DLG2: variants seen among roughly 807,000 people sequenced by gnomAD.
DLG2 encodes the protein disks large homolog 2.
In DLG2, 45 loss-of-function variants were observed where a neutral mutation model predicts 132.5. The observed-to-expected ratio is 0.34, with a 90% CI of 0.27 to 0.44. DLG2 has a LOEUF of 0.44. DLG2 is among the 20% of genes least tolerant of loss of function. The pLI is 1.00. For synonymous variants in DLG2, 424 were observed against 419.6 expected (o/e 1.01, Z -0.13); for missense variants, 1,045 against 1,196.9 (o/e 0.87, Z 1.87).
At chr11:83,680,154 G>A (rs1256078534) in intron 18 of DLG2, among the ~76,000 whole-genome samples, 1 of 151,956 alleles carries the variant, frequency 6.6e-6, no homozygotes, top group African/African-American at 2.4e-5. Context: ...ATCACGGGTG[G>A]GTGGAGAAAA....
intron 3 of DLG2, among the ~76,000 whole-genome samples, chr11:85,323,151 C>A (rs927844444): frequency 1.3e-5 from 2 of 152,146 alleles, no homozygotes; most frequent in African/African-American, 2.4e-5. Context: ...CTGGAGGAAA[C>A]CTTTCTCTCT....
intron 9 of DLG2, among the ~76,000 whole-genome samples, chr11:84,147,159 A>T (rs1033080897): frequency 3.9e-5 from 6 of 152,082 alleles, no homozygotes; most frequent in African/African-American, 1.4e-4. Context: ...AAGATTTTCC[A>T]TGCTCCAGCC....
intron 11 of DLG2, among the ~76,000 whole-genome samples, chr11:84,055,083 T>A (rs2096473902): frequency 6.6e-6 from 1 of 152,062 alleles, no homozygotes. Flanking sequence ...GGCAGGGTTT[T>A]TAGACAGACC....
At chr11:84,913,080 A>AGGATT (rs2154078546) in intron 6 of DLG2, among the ~76,000 whole-genome samples, 1 of 152,338 alleles carries the variant, frequency 6.6e-6, no homozygotes, top group Non-Finnish European at 1.5e-5. Context: ...TAGATTCTAC[A>AGGATT]GGATTTGTGG....
chr11:85,627,843 A>T (rs1210746576), upstream of DLG2: 1 of 152,594 alleles, frequency 6.6e-6, no homozygotes, highest in East Asian at 1.9e-4. Context: ...TAGAAATTAT[A>T]TAACTCTCGA....
chr11:84,015,540 C>G (rs535590093), intron 11 of DLG2, among the ~76,000 whole-genome samples: 1 of 152,018 alleles, frequency 6.6e-6, no homozygotes, highest in South Asian at 2.1e-4. Context: ...TTTTCCACTC[C>G]CCACTCTCCA....
chr11:84,565,563 C>A (rs950448476), intron 6 of DLG2, among the ~76,000 whole-genome samples: 19 of 152,118 alleles, frequency 1.2e-4, no homozygotes, highest in African/African-American at 4.6e-4. Flanking sequence ...ATACCTAGAA[C>A]ATAGTATGTG....
intron 5 of DLG2, among the ~76,000 whole-genome samples, chr11:85,144,054 GTCTT>G (rs1187755664): frequency 1.3e-5 from 2 of 151,728 alleles, no homozygotes; most frequent in African/African-American, 4.8e-5. Context: ...TTGTATTGTG[GTCTT>G]TCTTTCTCTT....
intron 7 of DLG2, among the ~76,000 whole-genome samples, chr11:84,356,913 G>A (rs2098616433): frequency 1.3e-5 from 2 of 152,042 alleles, no homozygotes; most frequent in African/African-American, 4.8e-5. Context: ...CTATTCCAGA[G>A]AGAGAAGAGA....
intron 16 of DLG2, among the ~76,000 whole-genome samples, chr11:83,861,988 T>C (rs1245097712): frequency 6.6e-6 from 1 of 152,182 alleles, no homozygotes; most frequent in African/African-American, 2.4e-5. Context: ...ATGTACCCCA[T>C]AAATATATAC....
chr11:85,113,344 A>T lies in DLG2; in HGVS notation c.283-1609T>A, dbSNP rs192796363. 3.3e-3 allele frequency among the ~76,000 whole-genome samples: 495 copies of T among 152,186 alleles called. 1 individual carries two copies. Among genetic ancestry groups the T allele is most frequent in the Non-Finnish European group, 5.3e-3 (359 of 67,962 alleles). ...TTGCAAGGAAGCTACTAATGAGAAC[A>T]CACAACATATTCACAAAATATGACG... On this transcript the variant is annotated intron_variant, in intron 5 of 27. Transcript: ENST00000376104.
In DLG2 at chr11:85,285,222, C is replaced by A; in HGVS notation, c.184G>T (p.Glu62Ter). ...PCHDRLQKSS[E>*]LTDCSGSKEN... ...TTTTGGAAGTTTCAGTAGTATACCT[C>A]TGAAGATTTTTGAAGTCTGTCATGG... The change falls in exon 4 of 28, where the codon GAG (glutamate) becomes TAG (stop). Residue 62 changes from glutamate (E) to a stop codon, truncating the protein, a stop_gained and splice_region_variant. Coordinates refer to ENST00000376104, the MANE Select transcript of DLG2 (RefSeq NM_001142699.3). LOFTEE classifies it high-confidence loss of function. 1.2e-6 allele frequency: 2 copies of A among 1,610,994 alleles called. No individual in the cohort carries two copies. The highest frequency in any genetic ancestry group is 1.7e-6 in the Non-Finnish European group (2 of 1,178,134).
chr11:84,805,006 G>C (rs892043874), intron 6 of DLG2, among the ~76,000 whole-genome samples: 1 of 152,140 alleles, frequency 6.6e-6, no homozygotes, highest in Non-Finnish European at 1.5e-5. Flanking sequence ...TGGCTAGGGT[G>C]GTATCAGAAG....
chr11:84,584,790 G>A (rs1167307416), intron 6 of DLG2, among the ~76,000 whole-genome samples: 1 of 135,244 alleles, frequency 7.4e-6, no homozygotes, highest in Non-Finnish European at 1.5e-5. Context: ...CCGGGTTCAC[G>A]CCATTCTCCT....
chr11:85,373,784 T>A (rs571595871), intron 3 of DLG2, among the ~76,000 whole-genome samples: 1 of 152,302 alleles, frequency 6.6e-6, no homozygotes, highest in Admixed American at 6.5e-5. Flanking sequence ...TAAATTTTCA[T>A]GGCCATGGGG....
At chr11:85,203,282 T>G (rs566136094) in intron 4 of DLG2, among the ~76,000 whole-genome samples, 17 of 151,316 alleles carry the variant, frequency 1.1e-4, no homozygotes, top group Admixed American at 1.1e-3. Context: ...AACAAACCTG[T>G]AGCTAGATTA....
chr11:85,419,264 G>T (rs1401649308), intron 3 of DLG2, among the ~76,000 whole-genome samples: 1 of 152,178 alleles, frequency 6.6e-6, no homozygotes, highest in Non-Finnish European at 1.5e-5. Flanking sequence ...ACTCTCTTCT[G>T]GCTTGTAGGG....
chr11:85,157,274 T>C (rs778676260), intron 4 of DLG2, among the ~76,000 whole-genome samples: 24 of 152,086 alleles, frequency 1.6e-4, no homozygotes, highest in South Asian at 6.2e-4. Flanking sequence ...AATAAGCACA[T>C]ATATATATAT....
chr11:84,722,929 C>G (rs1404169223), intron 6 of DLG2, among the ~76,000 whole-genome samples: 2 of 152,108 alleles, frequency 1.3e-5, no homozygotes, highest in Non-Finnish European at 2.9e-5. Flanking sequence ...CTTAAATGTA[C>G]TAGGTCACAT....
Sources: allele counts gnomAD v4.1 joint callset (sites outside exome capture counted in the v4.1 genomes callset), GRCh38; gene constraint gnomAD v4.1.1; transcripts MANE v1.5; gene names NCBI Gene and HGNC (gene_info 2026-07-23, HGNC 2026-07-21).